The following TSEN15 variants were observed in gnomAD, a reference collection of about 807,000 sequenced individuals.
TSEN15 encodes tRNA splicing endonuclease subunit 15.
A neutral mutation model predicts 20.5 loss-of-function variants in TSEN15; 10 were observed. The ratio of observed to expected loss-of-function variants is 0.49; its 90% confidence interval spans 0.30 to 0.83. The LOEUF (loss-of-function observed/expected upper bound fraction) is 0.83. TSEN15 is among the 40% of genes least tolerant of loss of function. The pLI, the probability that TSEN15 is intolerant of heterozygous loss-of-function variation, is 0.06. For missense variants in TSEN15, 180 were observed against 218.6 expected, an observed-to-expected ratio of 0.82 and a Z score of 1.11; for synonymous variants, 72 against 80.1, an observed-to-expected ratio of 0.90 and a Z score of 0.54.
At position 184,073,864 on chromosome 1, in the gene TSEN15, C is replaced by T. The variant is rs985355401; in HGVS notation, c.*1017C>T. On this transcript the variant is annotated 3_prime_UTR_variant, in exon 5 of 5. Coordinates refer to ENST00000645668, the MANE Select transcript of TSEN15 (RefSeq NM_052965.4). ...AAACAATACGGGCGTGGCTTTGTTCCAGTAAAACTTTGTTTACAAATGTGG... is the reference window on the plus strand; with the variant it reads ...AAACAATACGGGCGTGGCTTTGTTCTAGTAAAACTTTGTTTACAAATGTGG... 6.6e-6 allele frequency: 1 copy of T among 152,140 alleles called. No homozygotes were observed. Among genetic ancestry groups the T allele is most frequent in the Non-Finnish European group, 1.5e-5 (1 of 68,030 alleles). The allele number at this position is 152,140 out of a possible 1,614,324, so 9.4% of individuals were successfully genotyped here. A position where few individuals can be genotyped will look rare whatever the true frequency, so the allele number is the denominator to read the frequency against.
At chr1:184,088,128 C>T (rs1468290044) in intron 3 of TSEN15, among the ~76,000 whole-genome samples, 1 of 152,130 alleles carries the variant, frequency 6.6e-6, no homozygotes, top group Non-Finnish European at 1.5e-5. Context: ...AGGAAGAGGC[C>T]TCTGAGCTGT....
chr1:184,064,160 T>C (rs1185529431), intron 3 of TSEN15, among the ~76,000 whole-genome samples: 1 of 152,122 alleles, frequency 6.6e-6, no homozygotes, highest in Non-Finnish European at 1.5e-5. Flanking sequence ...ATGACAGATA[T>C]GTACAGGGTA....
chr1:184,074,902 A>C (rs1364951087), downstream of TSEN15, among the ~76,000 whole-genome samples: 1 of 152,058 alleles, frequency 6.6e-6, no homozygotes, highest in Non-Finnish European at 1.5e-5. Context: ...TATTCAGAAC[A>C]ATATGTGTTT....
chr1:184,093,882 C>T (rs1651401566), intron 3 of TSEN15: 2 of 152,168 alleles, frequency 1.3e-5, no homozygotes, highest in South Asian at 4.1e-4. Flanking sequence ...TATTTATAGG[C>T]TTTACTTGCT....
chr1:184,066,153 T>C (rs955005031), intron 3 of TSEN15, among the ~76,000 whole-genome samples: 1 of 152,192 alleles, frequency 6.6e-6, no homozygotes, highest in Admixed American at 6.5e-5. Flanking sequence ...AGTTAATTTT[T>C]ATGAAGGATA....
intron 3 of TSEN15, among the ~76,000 whole-genome samples, chr1:184,059,947 G>A (rs910765815): frequency 3.9e-5 from 6 of 152,206 alleles, no homozygotes; most frequent in Admixed American, 3.9e-4. Flanking sequence ...CACTTGCAAT[G>A]TGTAAGTTTT....
chr1:184,072,370 C>G, intron 4 of TSEN15, 72 bp downstream of exon 4: 3 of 1,392,376 alleles, frequency 2.2e-6, no homozygotes, highest in African/African-American at 1.5e-5. Context: ...AAGTGTGACT[C>G]AAGTCAGTCA....
intron 3 of TSEN15, among the ~76,000 whole-genome samples, chr1:184,087,436 A>G (rs1651282784): frequency 6.6e-6 from 1 of 152,222 alleles, no homozygotes; most frequent in Admixed American, 6.5e-5. Context: ...GCCAGAAGCT[A>G]AGAATAGGTC....
intron 3 of TSEN15, among the ~76,000 whole-genome samples, chr1:184,081,788 T>G (rs563033187): frequency 1.2e-4 from 18 of 152,142 alleles, no homozygotes; most frequent in Non-Finnish European, 2.2e-4. Context: ...ACAGGCCACC[T>G]AGAGGACTTT....
intron 3 of TSEN15, among the ~76,000 whole-genome samples, chr1:184,082,986 T>C (rs1161051564): frequency 6.6e-6 from 1 of 152,162 alleles, no homozygotes; most frequent in African/African-American, 2.4e-5. Flanking sequence ...AAACAGAAGG[T>C]GTTAATTGTC....
chr1:184,053,931 T>C (rs942577517), intron 1 of TSEN15, among the ~76,000 whole-genome samples: 1 of 152,236 alleles, frequency 6.6e-6, no homozygotes, highest in East Asian at 1.9e-4. Context: ...GGCCCTTGAA[T>C]GTATGTGGCT....
intron 3 of TSEN15, among the ~76,000 whole-genome samples, chr1:184,084,311 A>G (rs1435309156): frequency 6.6e-6 from 1 of 152,034 alleles, no homozygotes; most frequent in Admixed American, 6.5e-5. Flanking sequence ...TCCAAGGAGT[A>G]GGACCTAGAT....
intron 3 of TSEN15, among the ~76,000 whole-genome samples, chr1:184,062,514 G>A (rs1650495475): frequency 6.6e-6 from 1 of 152,076 alleles, no homozygotes; most frequent in African/African-American, 2.4e-5. Context: ...TGTTCAGATA[G>A]CCTGATTAGC....
chr1:184,066,193 A>G (rs989423509), intron 3 of TSEN15, among the ~76,000 whole-genome samples: 1 of 151,818 alleles, frequency 6.6e-6, no homozygotes, highest in Non-Finnish European at 1.5e-5. Flanking sequence ...GATTTTTTCC[A>G]GGTGAATATC....
intron 3 of TSEN15, among the ~76,000 whole-genome samples, chr1:184,092,359 A>T (rs900657252): frequency 6.6e-6 from 1 of 152,242 alleles, no homozygotes; most frequent in Non-Finnish European, 1.5e-5. Flanking sequence ...GCATCTACAG[A>T]CTAGGAAATA....
chr1:184,082,055 G>A (rs1263135694), intron 3 of TSEN15, among the ~76,000 whole-genome samples: 2 of 152,168 alleles, frequency 1.3e-5, no homozygotes, highest in African/African-American at 4.8e-5. Flanking sequence ...GCGTGGGTGA[G>A]GCTGGGTTTA....
rs554659740 is a variant in TSEN15 at position 184,060,311 on chromosome 1, A to G, written c.353+5448A>G. On this transcript the variant is annotated intron_variant, in intron 3 of 4. Coordinates refer to ENST00000645668, the MANE Select transcript of TSEN15 (RefSeq NM_052965.4). ...AGCTCCCTCTCGACATGCAAAGGAA[A>G]ATGTCTCTTCACTAAGGTTCAAGGC... Among the ~76,000 whole-genome samples, 21 of 152,352 alleles carry G rather than the reference A, an allele frequency of 1.4e-4. No individual in the cohort carries two copies. In the South Asian group the frequency reaches 3.9e-3, roughly 29 times the overall value.
At chr1:184,075,912 T>A (rs552937963), downstream of TSEN15, among the ~76,000 whole-genome samples, 2,070 of 85,502 alleles carry the variant, frequency 0.024, 13 homozygotes, top group Non-Finnish European at 0.029. Flanking sequence ...ATATATATAT[T>A]TTTTTTTTTC....
chr1:184,082,987 GTTAA>G (rs1444419760), intron 3 of TSEN15, among the ~76,000 whole-genome samples: 2 of 152,120 alleles, frequency 1.3e-5, no homozygotes, highest in Non-Finnish European at 2.9e-5. Context: ...AACAGAAGGT[GTTAA>G]TTGTCATTAA....
Sources: gnomAD v4.1 joint callset for allele counts (sites outside exome capture counted in the v4.1 genomes callset) on GRCh38, gnomAD v4.1.1 for gene constraint, MANE v1.5 for transcripts, NCBI Gene and HGNC (gene_info 2026-07-23, HGNC 2026-07-21) for gene names.